The following SYNJ2 variants were observed in gnomAD, a reference collection of about 807,000 sequenced individuals.
SYNJ2 encodes the protein synaptojanin 2.
SYNJ2 carries 116 observed loss-of-function variants against 141.3 expected under a neutral mutation model. That is an observed-to-expected ratio of 0.82 (90% CI 0.71 to 0.96). SYNJ2 has a LOEUF of 0.96. Among genes scored for constraint, SYNJ2 ranks in the 40% least tolerant of loss-of-function variants. The pLI is 0.00. For synonymous variants in SYNJ2, 745 were observed against 777.7 expected, an observed-to-expected ratio of 0.96 and a Z score of 0.70; for missense variants, 1,873 against 1,934.8, an observed-to-expected ratio of 0.97 and a Z score of 0.60.
intron 4 of SYNJ2, among the ~76,000 whole-genome samples, chr6:158,038,768 C>T (rs1409432312): frequency 6.6e-6 from 1 of 152,172 alleles, no homozygotes; most frequent in African/African-American, 2.4e-5. Flanking sequence ...CAGGTGCTGC[C>T]GCCCTTCCAG....
chr6:158,015,939 A>G (rs1431059963), intron 1 of SYNJ2, among the ~76,000 whole-genome samples: 1 of 152,204 alleles, frequency 6.6e-6, no homozygotes, highest in East Asian at 1.9e-4. Context: ...GGATTGTACA[A>G]CCATCACCAC....
intron 1 of SYNJ2, among the ~76,000 whole-genome samples, chr6:157,989,774 A>G (rs1392940080): frequency 6.6e-6 from 1 of 152,100 alleles, no homozygotes. Context: ...TTCTCAAGGA[A>G]CATGAGGCCT....
chr6:158,054,828 G>A (rs1309370616), intron 5 of SYNJ2, 139 bp from the exon 6 acceptor site: 15 of 781,792 alleles, frequency 1.9e-5, no homozygotes, highest in East Asian at 2.7e-5. Context: ...GCCTTCCTGA[G>A]CCCTGAAGAG....
In SYNJ2 at chr6:158,026,574, T is replaced by C. The variant is rs183172420; in HGVS notation, c.215-2182T>C. The stretch of plus-strand genomic sequence containing the variant: ...CTGTGGCAATGTTAAGAGCCTCTCC[T>C]GGCTGCTACAGTGCTCCTCTCCCCA... On this transcript the variant is annotated intron_variant, in intron 2 of 26. Transcript: ENST00000355585. 4.2e-3 allele frequency among the ~76,000 whole-genome samples: 646 copies of C among 152,274 alleles called. 3 individuals carry two copies. The highest frequency in any genetic ancestry group is 0.015 in the African/African-American group (619 of 41,550).
Position 158,087,040 on chromosome 6 carries a change from C to G in SYNJ2, c.3343+51C>G, listed in dbSNP as rs764513837. On this transcript the variant is annotated intron_variant, in intron 23 of 26. Coordinates refer to ENST00000355585, the MANE Select transcript of SYNJ2 (RefSeq NM_003898.4). The stretch of plus-strand genomic sequence containing the variant: ...CCTGGATGCCTGCCAGGAATAACCG[C>G]GCGTTCCCTGCTACTGAAAACACGG... 3.2e-5 allele frequency: 50 copies of G among 1,570,070 alleles called. No homozygotes were observed. In the South Asian group the frequency reaches 5.4e-4, roughly 17 times the overall value.
At chr6:158,046,684 C>A (rs1288332767) in intron 5 of SYNJ2, among the ~76,000 whole-genome samples, 1 of 152,156 alleles carries the variant, frequency 6.6e-6, no homozygotes. Context: ...GTAATGGTAC[C>A]TTCAGTACTT....
chr6:158,065,894 TAG>T (rs535997397), intron 11 of SYNJ2, among the ~76,000 whole-genome samples: 68 of 152,250 alleles, frequency 4.5e-4, no homozygotes, highest in Non-Finnish European at 8.2e-4. Flanking sequence ...TTTGGCTATC[TAG>T]AGGATGGAGA....
chr6:158,076,512 G>A (rs1583474578), intron 16 of SYNJ2, 114 bp from the exon 17 acceptor site: 1 of 1,192,810 alleles, frequency 8.4e-7, no homozygotes, highest in Non-Finnish European at 1.2e-6. Context: ...CAAATGTAAT[G>A]GAGCTTCTGT....
At chr6:157,999,914 G>A (rs1482990499) in intron 1 of SYNJ2, among the ~76,000 whole-genome samples, 2 of 152,114 alleles carry the variant, frequency 1.3e-5, no homozygotes, top group African/African-American at 4.8e-5. Context: ...GCCCTGCTCA[G>A]GCCAGTGTTT....
chr6:158,076,662 G>A lies in SYNJ2; in HGVS notation c.2329G>A (p.Gly777Arg). Residue 777 changes from glycine (G) to arginine (R), a missense_variant, in exon 17 of 27, where the codon GGA becomes AGA. By Grantham distance (125) the Gly-to-Arg change is moderately radical (BLOSUM62 -2). Transcript: ENST00000355585. ...CTTTCACGAAGGAGCCATTAACTTTGGACCCACCTACAAGTATGACGTTGG... is the reference window on the plus strand; with the variant it reads ...CTTTCACGAAGGAGCCATTAACTTTAGACCCACCTACAAGTATGACGTTGG... Reference protein sequence around the residue: ...KDFHEGAINFGPTYKYDVGSA... With the variant: ...KDFHEGAINFRPTYKYDVGSA... The A allele has an allele frequency of 6.2e-7, 1 of 1,614,072 alleles. No individual in the cohort carries two copies. The highest frequency in any genetic ancestry group is 8.5e-7 in the Non-Finnish European group (1 of 1,179,984).
chr6:157,999,177 C>G (rs1777743199), intron 1 of SYNJ2, among the ~76,000 whole-genome samples: 1 of 152,208 alleles, frequency 6.6e-6, no homozygotes, highest in African/African-American at 2.4e-5. Flanking sequence ...ATACAAATGG[C>G]CAAAACAATG....
At chr6:158,082,943 T>C (rs1321467988) in intron 20 of SYNJ2, among the ~76,000 whole-genome samples, 1 of 152,112 alleles carries the variant, frequency 6.6e-6, no homozygotes, top group Non-Finnish European at 1.5e-5. Context: ...GTTCAACTTT[T>C]TTTTTTTGAG....
intron 2 of SYNJ2, among the ~76,000 whole-genome samples, chr6:158,020,449 T>G (rs1778707647): frequency 6.6e-6 from 1 of 151,222 alleles, no homozygotes; most frequent in Non-Finnish European, 1.5e-5. Context: ...TGACTCTAAC[T>G]GTGTGACTCC....
At position 158,041,393 on chromosome 6, in the gene SYNJ2, C is replaced by T. The variant is rs573513037; in HGVS notation, c.712-1923C>T. On this transcript the variant is annotated intron_variant, in intron 4 of 26. Coordinates refer to ENST00000355585, the MANE Select transcript of SYNJ2 (RefSeq NM_003898.4). ...GCCCAGAATGGAAATGTATCACTTG[C>T]ATTTGATGGTCAAGTTATGCCTACT... Among the ~76,000 whole-genome samples, 3 of 152,340 alleles carry T rather than the reference C, an allele frequency of 2.0e-5. No homozygotes were observed. The South Asian group carries it at 6.2e-4, about 32-fold the overall frequency.
At position 158,043,655 on chromosome 6, in the gene SYNJ2, C is replaced by G. The variant is rs986618898; in HGVS notation, c.795+256C>G. On this transcript the variant is annotated intron_variant, in intron 5 of 26. Transcript: ENST00000355585. The surrounding 1 kb of genome is among the most constrained non-coding windows in gnomAD (Gnocchi z 4.0). ...CAAGGATGCTGTGTGAAACCGCTGA[C>G]TCGGGAACGGTGCTGCGGTGCCTGC... Among the ~76,000 whole-genome samples, 1 of 152,210 alleles carries G rather than the reference C, an allele frequency of 6.6e-6. No individual in the cohort carries two copies. The highest frequency in any genetic ancestry group is 1.5e-5 in the Non-Finnish European group (1 of 68,040).
intron 25 of SYNJ2, among the ~76,000 whole-genome samples, chr6:158,092,378 C>T (rs1264346733): frequency 2.6e-5 from 4 of 152,216 alleles, no homozygotes; most frequent in Non-Finnish European, 4.4e-5. Flanking sequence ...CGGTGGCTCA[C>T]GCCTGTAATC....
At chr6:158,093,546 G>C (rs955021035) in intron 26 of SYNJ2, among the ~76,000 whole-genome samples, 1 of 152,136 alleles carries the variant, frequency 6.6e-6, no homozygotes, top group African/African-American at 2.4e-5. Context: ...TGTGTCTTTG[G>C]GGAAAGTTTT....
At chr6:158,060,488 C>G (rs140118855) in intron 7 of SYNJ2, among the ~76,000 whole-genome samples, 140 of 152,328 alleles carry the variant, frequency 9.2e-4, no homozygotes, top group African/African-American at 3.2e-3. Context: ...AGAGAGAGCT[C>G]GAAGTCGCCT....
chr6:158,036,826 G>A (rs1441252053), intron 4 of SYNJ2, among the ~76,000 whole-genome samples: 1 of 152,222 alleles, frequency 6.6e-6, no homozygotes, highest in Non-Finnish European at 1.5e-5. Flanking sequence ...GAGAGAAGCT[G>A]TGGCCCCAGC....
Sources: gnomAD v4.1 joint callset for allele counts (sites outside exome capture counted in the v4.1 genomes callset) on GRCh38, gnomAD v4.1.1 for gene constraint, Gnocchi (gnomAD v3.1) non-coding constraint, MANE v1.5 for transcripts, NCBI Gene and HGNC (gene_info 2026-07-23, HGNC 2026-07-21) for gene names.